The following ERGIC1 variants were observed in gnomAD, a reference collection of about 807,000 sequenced individuals.
The protein encoded by ERGIC1 is endoplasmic reticulum-golgi intermediate compartment 1, also known as endoplasmic reticulum-Golgi intermediate compartment protein 1.
Under a neutral mutation model 38.3 loss-of-function variants are expected in ERGIC1, and 19 were observed. The observed-to-expected ratio is 0.50, with a 90% CI of 0.35 to 0.73. The LOEUF (loss-of-function observed/expected upper bound fraction) is 0.73, where lower values mean the gene tolerates loss of function less well. ERGIC1 is among the 30% of genes least tolerant of loss of function. The pLI is 0.01. For synonymous variants in ERGIC1, 124 were observed against 157.6 expected, an observed-to-expected ratio of 0.79 and a Z score of 1.60; for missense variants, 294 against 389.2, an observed-to-expected ratio of 0.76 and a Z score of 2.06.
intron 4 of ERGIC1, among the ~76,000 whole-genome samples, chr5:172,912,358 A>G (rs908294857): frequency 1.3e-5 from 2 of 151,990 alleles, no homozygotes; most frequent in African/African-American, 4.8e-5. Flanking sequence ...GGGACTGATA[A>G]TATTATCTTC....
chr5:172,939,151 T>C (rs1763951628), intron 9 of ERGIC1, among the ~76,000 whole-genome samples: 1 of 152,202 alleles, frequency 6.6e-6, no homozygotes. Flanking sequence ...TAGAATTCAC[T>C]ATGTTCCGGC....
intron 5 of ERGIC1, among the ~76,000 whole-genome samples, chr5:172,921,923 G>A (rs1763530379): frequency 6.6e-6 from 1 of 152,216 alleles, no homozygotes; most frequent in Non-Finnish European, 1.5e-5. Flanking sequence ...AGCCCTCCCT[G>A]AATACAGCCT....
intron 9 of ERGIC1, among the ~76,000 whole-genome samples, chr5:172,946,642 C>T (rs1040379188): frequency 6.6e-6 from 1 of 152,168 alleles, no homozygotes; most frequent in Non-Finnish European, 1.5e-5. Flanking sequence ...CTTCCCTGAG[C>T]GAGTTCAGGT....
intron 9 of ERGIC1, among the ~76,000 whole-genome samples, chr5:172,946,477 A>G (rs1764123352): frequency 6.6e-6 from 1 of 152,132 alleles, no homozygotes; most frequent in Admixed American, 6.5e-5. Context: ...TCATCCCAGG[A>G]ATCCTAAATG....
At chr5:172,944,035 G>C (rs1438659672) in intron 9 of ERGIC1, among the ~76,000 whole-genome samples, 1 of 152,240 alleles carries the variant, frequency 6.6e-6, no homozygotes, top group Non-Finnish European at 1.5e-5. Flanking sequence ...TTGCTGGTGG[G>C]AACAGAGGGG....
chr5:172,849,415 A>G (rs944209454), intron 1 of ERGIC1, among the ~76,000 whole-genome samples: 1 of 152,172 alleles, frequency 6.6e-6, no homozygotes, highest in Non-Finnish European at 1.5e-5. Flanking sequence ...GACCCTGAAT[A>G]AGGGTTCCCC....
intron 1 of ERGIC1, among the ~76,000 whole-genome samples, chr5:172,844,286 C>T (rs979780337): frequency 6.6e-6 from 1 of 152,212 alleles, no homozygotes; most frequent in Non-Finnish European, 1.5e-5. Context: ...CCATGGCCAC[C>T]TGGAGCGCGA....
chr5:172,885,658 A>G (rs149981769), intron 1 of ERGIC1, among the ~76,000 whole-genome samples: 1,565 of 152,170 alleles, frequency 0.01, 22 homozygotes, highest in African/African-American at 0.035. Flanking sequence ...AAGGTCTAAC[A>G]CGAAGTTGGG....
chr5:172,874,069 C>T (rs1290822244), intron 1 of ERGIC1, among the ~76,000 whole-genome samples: 1 of 152,106 alleles, frequency 6.6e-6, no homozygotes, highest in Non-Finnish European at 1.5e-5. Context: ...TACAGTGGGG[C>T]CCTGGAATCT....
At chr5:172,906,163 A>G in intron 3 of ERGIC1, 2 of 455,990 alleles carry the variant, frequency 4.4e-6, no homozygotes, top group Non-Finnish European at 8.8e-6. Context: ...CCAACACTAC[A>G]AGCAAGGTCA....
At chr5:172,864,268 CTTTTTTTT>C (rs60390189) in intron 1 of ERGIC1, among the ~76,000 whole-genome samples, 32 of 71,158 alleles carry the variant, frequency 4.5e-4, no homozygotes, top group African/African-American at 1.1e-3. Flanking sequence ...ATTTTGTAGT[CTTTTTTTT>C]TTTTTTTTTT....
At chr5:172,844,692 C>T (rs1761241861) in intron 1 of ERGIC1, among the ~76,000 whole-genome samples, 1 of 152,180 alleles carries the variant, frequency 6.6e-6, no homozygotes, top group Non-Finnish European at 1.5e-5. Flanking sequence ...CTGGCCTGGC[C>T]CTAGGACCTT....
At chr5:172,896,403 C>T (rs1224760755) in intron 2 of ERGIC1, among the ~76,000 whole-genome samples, 1 of 152,216 alleles carries the variant, frequency 6.6e-6, no homozygotes, top group Non-Finnish European at 1.5e-5. Context: ...TCTCTTGAAG[C>T]ACCGCTGTCT....
At chr5:172,869,840 A>G (rs867289688) in intron 1 of ERGIC1, among the ~76,000 whole-genome samples, 7 of 152,216 alleles carry the variant, frequency 4.6e-5, no homozygotes, top group Middle Eastern at 3.4e-3. Context: ...TGCCTTTAAG[A>G]TGCATCTGGA....
Position 172,924,069 on chromosome 5 carries a change from C to T in ERGIC1, c.440C>T (p.Thr147Met), listed in dbSNP as rs757251614. ...ATAQPQNPDM[T>M]HVIHKLSFGD... The stretch of plus-strand genomic sequence containing the variant: ...GCCCAGCCACAGAACCCAGACATGA[C>T]GCATGTCATCCACAAGCTCTCCTTT... The change falls in exon 6 of 10, where the codon ACG (threonine) becomes ATG (methionine). Residue 147 changes from threonine (T) to methionine (M), a missense_variant. Transcript: ENST00000393784. 5.6e-6 allele frequency: 9 copies of T among 1,614,200 alleles called. No homozygotes were observed. The highest frequency in any genetic ancestry group is 7.6e-6 in the Non-Finnish European group (9 of 1,180,044).
chr5:172,870,792 C>A (rs547667879), intron 1 of ERGIC1, among the ~76,000 whole-genome samples: 2 of 152,210 alleles, frequency 1.3e-5, no homozygotes, highest in Non-Finnish European at 2.9e-5. Context: ...ATCTCCTCTG[C>A]AAAGCCTCAT....
chr5:172,903,596 C>G (rs950985957), intron 3 of ERGIC1, among the ~76,000 whole-genome samples: 8 of 152,164 alleles, frequency 5.3e-5, no homozygotes, highest in African/African-American at 1.7e-4. Context: ...TTATTAAACA[C>G]TGGATCAACT....
intron 4 of ERGIC1, among the ~76,000 whole-genome samples, chr5:172,913,498 C>T (rs1322672155): frequency 2.6e-5 from 4 of 152,234 alleles, no homozygotes; most frequent in Non-Finnish European, 1.5e-5. Flanking sequence ...GGCTCCAGCA[C>T]GTTCCCTTCT....
chr5:172,882,492 G>A (rs1762309134), intron 1 of ERGIC1, among the ~76,000 whole-genome samples: 2 of 152,134 alleles, frequency 1.3e-5, no homozygotes, highest in Non-Finnish European at 1.5e-5. Context: ...TACGGGCAGT[G>A]GAAGGACCAT....
Sources: allele counts gnomAD v4.1 joint callset (sites outside exome capture counted in the v4.1 genomes callset), GRCh38; gene constraint gnomAD v4.1.1; transcripts MANE v1.5; gene names NCBI Gene and HGNC (gene_info 2026-07-23, HGNC 2026-07-21).